PKHD1L1: variants seen among roughly 807,000 people sequenced by gnomAD.
PKHD1L1 encodes fibrocystin-L.
Under a neutral mutation model 462.9 loss-of-function variants are expected in PKHD1L1, and 434 were observed. The observed-to-expected ratio is 0.94, with a 90% CI of 0.87 to 1.02. The LOEUF (loss-of-function observed/expected upper bound fraction) is 1.02. PKHD1L1 is among the 50% of genes least tolerant of loss of function. PKHD1L1 has a pLI of 0.00. For missense variants in PKHD1L1, 5,202 were observed against 5,096.1 expected (o/e 1.02, Z -0.63); for synonymous variants, 1,781 against 1,750.0 (o/e 1.02, Z -0.44).
At chr8:109,447,404 C>G (rs1031446816) in intron 38 of PKHD1L1, among the ~76,000 whole-genome samples, 2 of 152,062 alleles carry the variant, frequency 1.3e-5, no homozygotes, top group Admixed American at 1.3e-4. Context: ...GAGGGCACTG[C>G]GTTTGTAAAA....
intron 68 of PKHD1L1, among the ~76,000 whole-genome samples, chr8:109,506,996 G>A (rs557772047): frequency 1.3e-3 from 204 of 152,188 alleles, no homozygotes; most frequent in Middle Eastern, 0.01. Context: ...CATTTGAACT[G>A]CATGATGAGT....
At chr8:109,476,750 TGTGCA>T in intron 52 of PKHD1L1, 83 bp downstream of exon 52, 1 of 1,217,666 alleles carries the variant, frequency 8.2e-7, no homozygotes, top group South Asian at 1.5e-5. Context: ...GCAAATGTGT[TGTGCA>T]GTGCTTAATA....
chr8:109,362,731 G>C (rs940341531), intron 1 of PKHD1L1, 78 bp downstream of exon 1: 2 of 1,464,498 alleles, frequency 1.4e-6, no homozygotes, highest in Non-Finnish European at 1.9e-6. Flanking sequence ...GGTCCTGGGA[G>C]AGGCAGGACC....
intron 2 of PKHD1L1, among the ~76,000 whole-genome samples, chr8:109,368,831 T>TA (rs1208754530): frequency 5.3e-5 from 8 of 152,062 alleles, no homozygotes; most frequent in South Asian, 2.1e-4. Flanking sequence ...TCTGCAAAAT[T>TA]AAAAAAAATA....
rs1158639172 is a variant in PKHD1L1, at chr8:109,500,903, C to T, written c.10828+2132C>T. ...TTGTCTGACGAGAAGCCTGAAGTGA[C>T]AATGAGGTAGGTATAACTTTATTTT... On this transcript the variant is annotated intron_variant, in intron 67 of 77. Transcript: ENST00000378402. Among the ~76,000 whole-genome samples the T allele has an allele frequency of 4.6e-5, 7 of 151,992 alleles. No homozygotes were observed. The East Asian group carries it at 1.2e-3, about 25-fold the overall frequency.
At chr8:109,401,393 T>G in intron 13 of PKHD1L1, 104 bp from the exon 14 acceptor site, 1 of 682,434 alleles carries the variant, frequency 1.5e-6, no homozygotes, top group South Asian at 2.0e-5. Flanking sequence ...TTTTTCTACT[T>G]ATGAAACTTC....
At chr8:109,435,112 A>ATAAC in intron 28 of PKHD1L1, 78 bp from the exon 29 acceptor site, 1 of 1,448,438 alleles carries the variant, frequency 6.9e-7, no homozygotes, top group African/African-American at 1.4e-5. Flanking sequence ...GGCCAATGTT[A>ATAAC]GTATTTGCAA....
Position 109,465,179 on chromosome 8 carries a change from C to G in PKHD1L1, c.8347C>G (p.Pro2783Ala), listed in dbSNP as rs1263159400. 3.1e-6 allele frequency: 5 copies of G among 1,613,552 alleles called. No individual in the cohort carries two copies. Among genetic ancestry groups the G allele is most frequent in the Non-Finnish European group, 4.2e-6 (5 of 1,179,744 alleles). Residue 2783 changes from proline to alanine, a missense_variant, in exon 49 of 78, where the codon CCG (proline) becomes GCG (alanine). Around this residue, in one of 3 missense-constraint regions of PKHD1L1, gnomAD observed 4,497 missense variants for 4,336.8 expected, o/e 1.04. Transcript: ENST00000378402. ...KFVDVQYSHT[P>A]NKAGFRWEHE... ...TGTTGACGTCCAGTATTCTCACACA[C>G]CGAACAAGGCTGGCTTTCGCTGGGA...
rs967693042 is a variant in PKHD1L1, at chr8:109,537,125, T to C, written c.*7035T>C. Among the ~76,000 whole-genome samples the C allele has an allele frequency of 3.3e-5, 5 of 152,254 alleles. No individual in the cohort carries two copies. The highest frequency in any genetic ancestry group is 4.8e-5 in the African/African-American group (2 of 41,466). ...TATGTGCGGCAAAGCTTTGTTTTAC[T>C]TGATCAAGAAATGAATGTGACTTTA... On this transcript the variant is annotated 3_prime_UTR_variant, in exon 78 of 78. Coordinates refer to ENST00000378402, the MANE Select transcript of PKHD1L1 (RefSeq NM_177531.6).
intron 25 of PKHD1L1, among the ~76,000 whole-genome samples, chr8:109,428,000 G>A (rs929274156): frequency 1.7e-5 from 2 of 115,964 alleles, no homozygotes; most frequent in Non-Finnish European, 3.5e-5. Flanking sequence ...TCCAGCCTGG[G>A]CAACAAGAGC....
rs1821060234 is a variant in PKHD1L1, at chr8:109,532,350, CAATTT to C, written c.*2265_*2269del. ...ATAATTCCTTATTCCAGATAAATTA[CAATTT>C]AATTACTACTTTTAAAAATGCTTGA... On this transcript the variant is annotated 3_prime_UTR_variant, in exon 78 of 78. Transcript: ENST00000378402. Among the ~76,000 whole-genome samples, 1 of 152,144 alleles carries C rather than the reference CAATTT, an allele frequency of 6.6e-6. No homozygotes were observed. Among genetic ancestry groups the C allele is most frequent in the Admixed American group, 6.6e-5 (1 of 15,266 alleles).
intron 53 of PKHD1L1, among the ~76,000 whole-genome samples, chr8:109,478,827 T>C (rs1818127646): frequency 6.6e-6 from 1 of 152,184 alleles, no homozygotes. Context: ...CTTCCCATGG[T>C]ATGAATTTTC....
At chr8:109,393,884 A>G (rs1288178594) in intron 9 of PKHD1L1, among the ~76,000 whole-genome samples, 3 of 152,118 alleles carry the variant, frequency 2.0e-5, no homozygotes, top group African/African-American at 7.2e-5. Flanking sequence ...ATTTCTTAAA[A>G]TCAACTGTAG....
At chr8:109,428,237 T>C (rs1325704474) in intron 25 of PKHD1L1, among the ~76,000 whole-genome samples, 1 of 152,128 alleles carries the variant, frequency 6.6e-6, no homozygotes, top group East Asian at 1.9e-4. Flanking sequence ...TGTGAAATGA[T>C]ATAGGCACAA....
In PKHD1L1 at chr8:109,475,181, T is replaced by C. The variant is rs1425471818; in HGVS notation, c.8669T>C (p.Ile2890Thr). The change falls in exon 51 of 78, where the codon ATT becomes ACT. Residue 2890 changes from isoleucine (I) to threonine (T), a missense_variant. Coordinates refer to ENST00000378402, the MANE Select transcript of PKHD1L1 (RefSeq NM_177531.6). ...CATATGTCTGGATGGATGGCTCTGA[T>C]TCCAAATGCAAATCACATTAACTGG... is the stretch of plus-strand genomic sequence containing the variant. ...LTHMSGWMAL[I>T]PNANHINWYF... 1 of 1,612,958 alleles carries C rather than the reference T, an allele frequency of 6.2e-7. No homozygotes were observed. Among genetic ancestry groups the C allele is most frequent in the South Asian group, 1.1e-5 (1 of 91,014 alleles).
At chr8:109,366,051 T>A (rs1045705373) in intron 2 of PKHD1L1, among the ~76,000 whole-genome samples, 22 of 152,212 alleles carry the variant, frequency 1.4e-4, no homozygotes, top group Non-Finnish European at 2.9e-5. Flanking sequence ...ATCTAGGAAC[T>A]ATGGCTTCAG....
rs1812180865 is a variant in PKHD1L1 at position 109,382,559 on chromosome 8, A to G, written c.405A>G (p.Glu135=). ...NTCKGHINSW[E]CTFNAKSFRT... ...GCAAAGGTCACATCAACAGCTGGGA[A>G]TGTACCTTCAACGTATGTAGGAATC... is the stretch of plus-strand genomic sequence containing the variant. The change falls in exon 4 of 78, where the codon GAA becomes GAG. Residue 135 remains glutamate, a synonymous_variant. Transcript: ENST00000378402. 6.2e-7 allele frequency: 1 copy of G among 1,609,920 alleles called. No individual in the cohort carries two copies. Among genetic ancestry groups the G allele is most frequent in the Admixed American group, 1.7e-5 (1 of 59,544 alleles).
intron 19 of PKHD1L1, among the ~76,000 whole-genome samples, chr8:109,411,365 C>A (rs1813849105): frequency 6.6e-6 from 1 of 151,818 alleles, no homozygotes; most frequent in Non-Finnish European, 1.5e-5. Context: ...AGATTAATAC[C>A]CTGGATATGA....
chr8:109,407,069 A>G (rs1199688354), intron 17 of PKHD1L1, among the ~76,000 whole-genome samples: 1 of 152,194 alleles, frequency 6.6e-6, no homozygotes, highest in Non-Finnish European at 1.5e-5. Context: ...ATTGACATAG[A>G]CATTCTGCCT....
Sources: gnomAD v4.1 joint callset for allele counts (sites outside exome capture counted in the v4.1 genomes callset) on GRCh38, gnomAD v4.1.1 for gene constraint, gnomAD v4.1.1 regional missense constraint, MANE v1.5 for transcripts, NCBI Gene and HGNC (gene_info 2026-07-23, HGNC 2026-07-21) for gene names.